The following C1QL2 variants were observed in gnomAD, a reference collection of about 807,000 sequenced individuals.
C1QL2 encodes complement C1q like 2, also known as complement C1q-like protein 2.
A neutral mutation model predicts 16.6 loss-of-function variants in C1QL2; 13 were observed. The ratio of observed to expected loss-of-function variants is 0.78; its 90% CI spans 0.51 to 1.25. C1QL2 has a LOEUF of 1.25. Ranked by LOEUF, C1QL2 falls within the 50% of genes most tolerant of loss-of-function variation. C1QL2 has a pLI of 0.00. For synonymous variants in C1QL2, 210 were observed against 183.2 expected, an observed-to-expected ratio of 1.15 and a Z score of -1.18; for missense variants, 396 against 409.6, an observed-to-expected ratio of 0.97 and a Z score of 0.29.
intron 1 of C1QL2, 133 bp from the exon 2 acceptor site, chr2:119,157,114 T>C (rs1216412533): frequency 3.8e-6 from 4 of 1,043,906 alleles, no homozygotes; most frequent in Non-Finnish European, 1.4e-6. Context: ...CAGCTCCATG[T>C]TCTCTCTCCA....
Position 119,156,961 on chromosome 2 carries a change from T to G in C1QL2, c.705A>C (p.Ala235=). The change falls in exon 2 of 2, where the codon GCA becomes GCC. Residue 235 remains alanine (A), a synonymous_variant. Coordinates refer to ENST00000272520, the MANE Select transcript of C1QL2 (RefSeq NM_182528.4). The stretch of plus-strand genomic sequence containing the variant: ...AGTCGTAGTTCTGGTCGGCGTCCTG[T>G]GCAATGGCGCTGGCCCGGACCTGGG... The part of the protein sequence containing the change: ...KNGQVRASAI[A]QDADQNYDYA... The G allele has an allele frequency of 6.2e-7, 1 of 1,613,946 alleles. No homozygotes were observed.
rs755607319 is a variant in C1QL2 at position 119,158,252 on chromosome 2, G to T, written c.18C>A (p.Leu6=). Residue 6 remains leucine, a synonymous_variant, in exon 1 of 2, where the codon CTC becomes CTA. Transcript: ENST00000272520. The stretch of plus-strand genomic sequence containing the variant: ...CCTGCAGCAGCAGCGGCACGGCGAT[G>T]AGCAGCCCGAGCGCCATGGCCAAGA... MALGL[L]IAVPLLLQAA... is the part of the protein sequence containing the mutation. The T allele has an allele frequency of 4.5e-6, 7 of 1,557,494 alleles. No homozygotes were observed. In the South Asian group the frequency reaches 4.6e-5, roughly 10 times the overall value.
Position 119,158,198 on chromosome 2 carries a change from C to A in C1QL2, c.72G>T (p.Glu24Asp). The A allele has an allele frequency of 6.3e-7, 1 of 1,578,142 alleles. No individual in the cohort carries two copies. The highest frequency in any genetic ancestry group is 2.4e-5 in the East Asian group (1 of 40,940). The part of the protein sequence containing the change: ...QAAPRGAAHY[E>D]MMGTCRMICD... Reference sequence around the variant, plus strand: ...AGATCATGCGGCAGGTGCCCATCATCTCATAGTGCGCGGCGCCTCGGGGCG... The same window carrying A: ...AGATCATGCGGCAGGTGCCCATCATATCATAGTGCGCGGCGCCTCGGGGCG... Residue 24 changes from glutamate to aspartate, a missense_variant, in exon 1 of 2, where the codon GAG (glutamate) becomes GAT (aspartate). Physicochemically the swap from Glu to Asp is conservative, Grantham distance 45. Transcript: ENST00000272520.
Position 119,156,789 on chromosome 2 carries a change from AC to A in C1QL2, c.*12del, listed in dbSNP as rs754325681. 8.1e-6 allele frequency: 13 copies of A among 1,608,064 alleles called. No individual in the cohort carries two copies. Among genetic ancestry groups the A allele is most frequent in the Middle Eastern group, 1.7e-4 (1 of 5,968 alleles). ...GCGGCCTGCAGCCACCCCGCCTCGC[AC>A]CCCCCGCGCCCCTAATCCGGGTACA... is the stretch of plus-strand genomic sequence containing the variant. On this transcript the variant is annotated 3_prime_UTR_variant, in exon 2 of 2. Coordinates refer to ENST00000272520, the MANE Select transcript of C1QL2 (RefSeq NM_182528.4).
Position 119,157,969 on chromosome 2 carries a change from G to A in C1QL2, c.301C>T (p.Pro101Ser). 13 of 1,525,146 alleles carry A rather than the reference G, an allele frequency of 8.5e-6. No individual in the cohort carries two copies. The highest frequency in any genetic ancestry group is 2.1e-4 in the Middle Eastern group (1 of 4,870). 94.5% of individuals were successfully genotyped at this position (1,525,146 alleles called of 1,614,324 possible). Residue 101 changes from proline (P) to serine (S), a missense_variant, in exon 1 of 2, where the codon CCC (proline) becomes TCC (serine). By Grantham distance (74) the Pro-to-Ser change is moderately conservative (BLOSUM62 -1). Coordinates refer to ENST00000272520, the MANE Select transcript of C1QL2 (RefSeq NM_182528.4). Reference protein sequence around the residue: ...GPPGEPGPPGPRGPPGEKGDS... With the variant: ...GPPGEPGPPGSRGPPGEKGDS... ...CCCTTCTCTCCCGGAGGGCCCCTGG[G>A]TCCAGGCGGGCCCGGCTCTCCAGGG...
intron 1 of C1QL2, among the ~76,000 whole-genome samples, 163 bp from the exon 2 acceptor site, chr2:119,157,144 G>A (rs1464275850): frequency 6.6e-6 from 1 of 152,280 alleles, no homozygotes; most frequent in South Asian, 2.1e-4. Context: ...ACTCCTTCCA[G>A]GTCCCCCCTC....
At position 119,157,718 on chromosome 2, in the gene C1QL2, G is replaced by A; in HGVS notation, c.552C>T (p.Leu184=). The A allele has an allele frequency of 6.2e-7, 1 of 1,614,124 alleles. No homozygotes were observed. The highest frequency in any genetic ancestry group is 1.1e-5 in the South Asian group (1 of 91,066). Residue 184 remains leucine, a synonymous_variant, in exon 1 of 2, where the codon CTC becomes CTT. Transcript: ENST00000272520. ...CCGTGGTGGGGTCATAGTGATTGCC[G>A]AGGTTGGTGACCACGTCATCGAACT... ...VLKFDDVVTN[L]GNHYDPTTGK...
At position 119,158,597 on chromosome 2, in the gene C1QL2, T is replaced by C. The variant is rs1678007804; in HGVS notation, c.-328A>G. On this transcript the variant is annotated 5_prime_UTR_variant, in exon 1 of 2. Transcript: ENST00000272520. The stretch of plus-strand genomic sequence containing the variant: ...CAAGACGAATCCGGCGCCCCGAGGG[T>C]CCGGCGCCGGCCAGGGAGTGCTTGC... 1 of 171,816 alleles carries C rather than the reference T, an allele frequency of 5.8e-6. No individual in the cohort carries two copies. Among genetic ancestry groups the C allele is most frequent in the South Asian group, 2.0e-4 (1 of 5,030 alleles). The allele number at this position is 171,816 out of a possible 1,614,324, so 10.6% of individuals were successfully genotyped here. A position where few individuals can be genotyped will look rare whatever the true frequency, so the allele number is the denominator to read the frequency against.
intron 1 of C1QL2, 64 bp downstream of exon 1, chr2:119,157,522 T>C (rs2104730466): frequency 6.4e-7 from 1 of 1,560,944 alleles, no homozygotes. Context: ...GGAGGCTGGT[T>C]CCCTGGGAGG....
In C1QL2 at chr2:119,158,098, C is replaced by A. The variant is rs1677995365; in HGVS notation, c.172G>T (p.Ala58Ser). The change falls in exon 1 of 2, where the codon GCC becomes TCC. Residue 58 changes from alanine (A) to serine (S), a missense_variant. This residue lies in a region of C1QL2 where 353 missense variants were observed against 334.8 expected (regional missense o/e 1.05). Coordinates refer to ENST00000272520, the MANE Select transcript of C1QL2 (RefSeq NM_182528.4). ...CTGAGGTCCTGCATGACTTCCAGGG[C>A]GGCGGTGCTGGGTCCGGGTGGCTGC... ...KAQPPGPSTA[A>S]LEVMQDLSAN... The A allele has an allele frequency of 2.0e-6, 3 of 1,529,034 alleles. No homozygotes were observed. Among genetic ancestry groups the A allele is most frequent in the African/African-American group, 1.4e-5 (1 of 69,682 alleles). The allele number at this position is 1,529,034 out of a possible 1,614,324, so 94.7% of individuals were successfully genotyped here.
Position 119,158,352 on chromosome 2 carries a change from T to G in C1QL2, c.-83A>C. 2 of 1,187,550 alleles carry G rather than the reference T, an allele frequency of 1.7e-6. No homozygotes were observed. The highest frequency in any genetic ancestry group is 1.1e-6 in the Non-Finnish European group (1 of 934,018). 73.6% of individuals were successfully genotyped at this position (1,187,550 alleles called of 1,614,324 possible). Reference sequence around the variant, plus strand: ...GGAGGCGACCGCCACCAGCTCCTCCTTGCCGCCCGGGGAGGTAATGGTGGG... The same window carrying G: ...GGAGGCGACCGCCACCAGCTCCTCCGTGCCGCCCGGGGAGGTAATGGTGGG... On this transcript the variant is annotated 5_prime_UTR_variant, in exon 1 of 2. Coordinates refer to ENST00000272520, the MANE Select transcript of C1QL2 (RefSeq NM_182528.4).
chr2:119,158,383 G>T lies in C1QL2; in HGVS notation c.-114C>A, dbSNP rs1459418015. On this transcript the variant is annotated 5_prime_UTR_variant, in exon 1 of 2. Coordinates refer to ENST00000272520, the MANE Select transcript of C1QL2 (RefSeq NM_182528.4). The stretch of plus-strand genomic sequence containing the variant: ...CCCGGGGAGGTAATGGTGGGGCGGC[G>T]CGGGCGGCCCCGCTCCCCGCGCTCG... The T allele has an allele frequency of 1.1e-6, 1 of 951,338 alleles. No individual in the cohort carries two copies. The highest frequency in any genetic ancestry group is 1.4e-6 in the Non-Finnish European group (1 of 732,940). 58.9% of individuals were successfully genotyped at this position (951,338 alleles called of 1,614,324 possible). A position where few individuals can be genotyped will look rare whatever the true frequency, so the allele number is the denominator to read the frequency against.
In C1QL2 at chr2:119,156,642, G is replaced by T. The variant is rs963929395; in HGVS notation, c.*160C>A. 1.6e-5 allele frequency: 13 copies of T among 824,470 alleles called. No individual in the cohort carries two copies. The highest frequency in any genetic ancestry group is 1.4e-4 in the African/African-American group (8 of 57,678). The allele number at this position is 824,470 out of a possible 1,614,324, so 51.1% of individuals were successfully genotyped here. A position where few individuals can be genotyped will look rare whatever the true frequency, so the allele number is the denominator to read the frequency against. On this transcript the variant is annotated 3_prime_UTR_variant, in exon 2 of 2. Transcript: ENST00000272520. ...GCCCTGAGCGTGGTGGGTCGCAGAC[G>T]CACTGAGGCCAGGAGCGGGGCAGGG...
Position 119,158,140 on chromosome 2 carries a change from G to T in C1QL2, c.130C>A (p.Pro44Thr). 6.4e-7 allele frequency: 1 copy of T among 1,558,798 alleles called. No homozygotes were observed. Among genetic ancestry groups the T allele is most frequent in the Non-Finnish European group, 8.7e-7 (1 of 1,154,746 alleles). ...GGTGGCTGCGCCTTTGCACCCGGGG[G>T]CTCCCCGCCGGGCGCGGCAGTGTAA... is the stretch of plus-strand genomic sequence containing the variant. ...DPYTAAPGGE[P>T]PGAKAQPPGP... Residue 44 changes from proline (P) to threonine (T), a missense_variant, in exon 1 of 2, where the codon CCC becomes ACC. Physicochemically the swap from Pro to Thr is conservative, Grantham distance 38. Coordinates refer to ENST00000272520, the MANE Select transcript of C1QL2 (RefSeq NM_182528.4).
Position 119,158,123 on chromosome 2 carries a change from C to T in C1QL2, c.147G>A (p.Ala49=), listed in dbSNP as rs1573495039. Residue 49 remains alanine (A), a synonymous_variant, in exon 1 of 2, where the codon GCG becomes GCA. Coordinates refer to ENST00000272520, the MANE Select transcript of C1QL2 (RefSeq NM_182528.4). ...APGGEPPGAK[A]QPPGPSTAAL... is the part of the protein sequence containing the mutation. ...CGGCGGTGCTGGGTCCGGGTGGCTG[C>T]GCCTTTGCACCCGGGGGCTCCCCGC... 2 of 1,544,052 alleles carry T rather than the reference C, an allele frequency of 1.3e-6. No homozygotes were observed. Among genetic ancestry groups the T allele is most frequent in the Non-Finnish European group, 1.7e-6 (2 of 1,147,008 alleles).
chr2:119,157,576 G>C lies in C1QL2; in HGVS notation c.684+10C>G, dbSNP rs767454057. On this transcript the variant is annotated intron_variant, in intron 1 of 1. Coordinates refer to ENST00000272520, the MANE Select transcript of C1QL2 (RefSeq NM_182528.4). Reference sequence around the variant, plus strand: ...GTTTACGGGGGCCGGTGAGTGTAGGGGTCACTGACCTGCCCGTTCTTGCAG... The same window carrying C: ...GTTTACGGGGGCCGGTGAGTGTAGGCGTCACTGACCTGCCCGTTCTTGCAG... 6.2e-7 allele frequency: 1 copy of C among 1,613,602 alleles called. No homozygotes were observed. The highest frequency in any genetic ancestry group is 1.3e-5 in the African/African-American group (1 of 75,034).
Position 119,158,388 on chromosome 2 carries a change from C to A in C1QL2, c.-119G>T, listed in dbSNP as rs962261647. On this transcript the variant is annotated 5_prime_UTR_variant, in exon 1 of 2. Coordinates refer to ENST00000272520, the MANE Select transcript of C1QL2 (RefSeq NM_182528.4). ...GGAGGTAATGGTGGGGCGGCGCGGG[C>A]GGCCCCGCTCCCCGCGCTCGGGGAC... is the stretch of plus-strand genomic sequence containing the variant. 60 of 869,076 alleles carry A rather than the reference C, an allele frequency of 6.9e-5. No homozygotes were observed. In the African/African-American group the frequency reaches 9.7e-4, roughly 14 times the overall value. 53.8% of individuals were successfully genotyped at this position (869,076 alleles called of 1,614,324 possible). A position where few individuals can be genotyped will look rare whatever the true frequency, so the allele number is the denominator to read the frequency against.
At chr2:119,157,461 G>T (rs1342838718) in intron 1 of C1QL2, 125 bp downstream of exon 1, 3 of 1,188,772 alleles carry the variant, frequency 2.5e-6, no homozygotes, top group Non-Finnish European at 3.6e-6. Context: ...CTGTGGCACC[G>T]AGGCGCGTTC....
chr2:119,157,670 G>C lies in C1QL2; in HGVS notation c.600C>G (p.Arg200=). ...TGTGGTAGGTGAAGAAGTAGATGCC[G>C]CGTACCTGGCAGCTGAACTTGCCCG... The part of the protein sequence containing the change: ...PTTGKFSCQV[R]GIYFFTYHIL... The change falls in exon 1 of 2, where the codon CGC becomes CGG. Residue 200 remains arginine (R), a synonymous_variant. Transcript: ENST00000272520. 6.2e-7 allele frequency: 1 copy of C among 1,614,122 alleles called. No individual in the cohort carries two copies.
Sources: allele counts gnomAD v4.1 joint callset (sites outside exome capture counted in the v4.1 genomes callset), GRCh38; gene constraint gnomAD v4.1.1; regional missense constraint gnomAD v4.1.1; transcripts MANE v1.5; gene names NCBI Gene and HGNC (gene_info 2026-07-23, HGNC 2026-07-21).